The following MYRIP variants were observed in gnomAD, a reference collection of about 807,000 sequenced individuals.
MYRIP encodes the protein myosin VIIA and Rab interacting protein.
Under a neutral mutation model 98.0 loss-of-function variants are expected in MYRIP, and 49 were observed. The observed-to-expected ratio is 0.50, with a 90% confidence interval of 0.40 to 0.63. The LOEUF (loss-of-function observed/expected upper bound fraction) is 0.63. Ranked by LOEUF, MYRIP falls within the 30% of genes least tolerant of loss-of-function variation. MYRIP has a pLI of 0.00. For missense variants in MYRIP, 1,004 were observed against 1,058.2 expected, an observed-to-expected ratio of 0.95 and a Z score of 0.71; for synonymous variants, 404 against 409.5, an observed-to-expected ratio of 0.99 and a Z score of 0.16.
At chr3:39,974,359 C>T (rs866133056) in intron 2 of MYRIP, among the ~76,000 whole-genome samples, 5 of 152,132 alleles carry the variant, frequency 3.3e-5, no homozygotes, top group Middle Eastern at 3.4e-3. Flanking sequence ...AGGAGGAAGT[C>T]GAATCTCTGA....
chr3:40,008,563 C>T (rs372086825), intron 2 of MYRIP, among the ~76,000 whole-genome samples: 3 of 152,274 alleles, frequency 2.0e-5, no homozygotes, highest in East Asian at 3.9e-4. Context: ...TGCAGTCACT[C>T]TGTGATTCCA....
chr3:40,225,578 C>A (rs780022166), intron 11 of MYRIP, among the ~76,000 whole-genome samples: 46 of 152,176 alleles, frequency 3.0e-4, no homozygotes, highest in Non-Finnish European at 5.7e-4. Context: ...GGGAAACCAC[C>A]ATCTGGTCTC....
Position 40,212,221 on chromosome 3 carries a change from TATATACACACACACACACACACAC to T in MYRIP, c.1905+2134_1905+2157del, listed in dbSNP as rs1559456808. Among the ~76,000 whole-genome samples the T allele has an allele frequency of 1.0e-3, 81 of 80,276 alleles. 6 individuals are homozygous for T. The highest frequency in any genetic ancestry group is 5.4e-3 in the Middle Eastern group (1 of 184). The allele number at this position is 80,276 out of a possible 152,430, so 52.7% of individuals were successfully genotyped here. A position where few individuals can be genotyped will look rare whatever the true frequency, so the allele number is the denominator to read the frequency against. Reference sequence around the variant, plus strand: ...ATATATATACGTGTGTGTATATATATATATACACACACACACACACACACATATATATATATACACGTATATATA... The same window carrying T: ...ATATATATACGTGTGTGTATATATATATATATATATATACACGTATATATA... On this transcript the variant is annotated intron_variant, in intron 11 of 16. Transcript: ENST00000302541.
At chr3:40,091,177 TATCCCCA>T (rs1352404241) in intron 3 of MYRIP, among the ~76,000 whole-genome samples, 1 of 152,182 alleles carries the variant, frequency 6.6e-6, no homozygotes, top group Non-Finnish European at 1.5e-5. Context: ...CTGCTGGGAT[TATCCCCA>T]GCTGAGCCAC....
chr3:39,964,149 T>C (rs1256681037), intron 2 of MYRIP, among the ~76,000 whole-genome samples: 2 of 152,150 alleles, frequency 1.3e-5, no homozygotes, highest in Non-Finnish European at 2.9e-5. Flanking sequence ...TTTATTTTCA[T>C]CTTCTTTATC....
At chr3:40,218,622 A>ATATATATTT (rs1553629233) in intron 11 of MYRIP, among the ~76,000 whole-genome samples, 17 of 12,760 alleles carry the variant, frequency 1.3e-3, no homozygotes, top group African/African-American at 2.3e-3. Context: ...TTATATATAT[A>ATATATATTT]TATATATATA....
chr3:40,113,210 C>A (rs1278544510), intron 3 of MYRIP, among the ~76,000 whole-genome samples: 1 of 152,232 alleles, frequency 6.6e-6, no homozygotes, highest in Non-Finnish European at 1.5e-5. Context: ...GTGGTGCGAT[C>A]TTGGCTCACT....
At chr3:39,916,408 C>CAA (rs34541190) in intron 2 of MYRIP, among the ~76,000 whole-genome samples, 55 of 143,510 alleles carry the variant, frequency 3.8e-4, no homozygotes, top group Admixed American at 1.2e-3. Flanking sequence ...ATATTGAGAA[C>CAA]AAAAAAAAAA....
In MYRIP at chr3:40,043,983, G is replaced by A. The variant is rs1947608331; in HGVS notation, c.111-67G>A. 11 of 1,478,968 alleles carry A rather than the reference G, an allele frequency of 7.4e-6. No individual in the cohort carries two copies. In the East Asian group the frequency reaches 1.2e-4, roughly 16 times the overall value. 91.6% of individuals were successfully genotyped at this position (1,478,968 alleles called of 1,614,324 possible). A position where few individuals can be genotyped will look rare whatever the true frequency, so the allele number is the denominator to read the frequency against. On this transcript the variant is annotated intron_variant, in intron 2 of 16. Transcript: ENST00000302541. ...GGGAGGGACAGGGTGCATGCTTTGG[G>A]GAGACACCCCCTGACCTGATGTTGT...
chr3:40,015,422 C>G (rs1946841697), intron 2 of MYRIP, among the ~76,000 whole-genome samples: 1 of 152,190 alleles, frequency 6.6e-6, no homozygotes, highest in Non-Finnish European at 1.5e-5. Flanking sequence ...AGACATGACC[C>G]TGAGTCACAC....
Position 39,957,484 on chromosome 3 carries a change from C to A in MYRIP, c.110+56558C>A, listed in dbSNP as rs140841681. On this transcript the variant is annotated intron_variant, in intron 2 of 16. Transcript: ENST00000302541. ...CCTTCGAAAAAATTCAACAGCCCTT[C>A]ATGCTAAAAACTCTCAATAAACTCG... Among the ~76,000 whole-genome samples the A allele has an allele frequency of 1.5e-3, 227 of 152,268 alleles. 4 individuals carry two copies. The East Asian group carries it at 0.04, about 27-fold the overall frequency.
chr3:39,876,336 T>C (rs1942994333), intron 1 of MYRIP, among the ~76,000 whole-genome samples: 1 of 152,216 alleles, frequency 6.6e-6, no homozygotes, highest in South Asian at 2.1e-4. Context: ...ATTTAGCCCA[T>C]TTACATTTAA....
chr3:39,842,703 G>A (rs1385269653), intron 1 of MYRIP, among the ~76,000 whole-genome samples: 1 of 152,124 alleles, frequency 6.6e-6, no homozygotes, highest in Non-Finnish European at 1.5e-5. Context: ...GCTTCCATTG[G>A]CTAGGAGAGG....
intron 2 of MYRIP, among the ~76,000 whole-genome samples, chr3:40,035,063 G>A (rs1424067809): frequency 7.9e-6 from 1 of 126,520 alleles, no homozygotes; most frequent in Non-Finnish European, 1.6e-5. Flanking sequence ...TTACACTCTG[G>A]GGACTGTTAT....
At chr3:39,987,201 CCT>C (rs1465380277) in intron 2 of MYRIP, among the ~76,000 whole-genome samples, 6 of 152,072 alleles carry the variant, frequency 3.9e-5, no homozygotes, top group South Asian at 2.1e-4. Flanking sequence ...CATTTCTCCC[CCT>C]GTGTCCATGT....
chr3:40,244,648 G>T, intron 13 of MYRIP, 41 bp downstream of exon 13: 1 of 1,549,462 alleles, frequency 6.5e-7, no homozygotes, highest in South Asian at 1.2e-5. Flanking sequence ...CCTGCAGGGT[G>T]AAACAGGGAG....
intron 7 of MYRIP, 81 bp downstream of exon 7, chr3:40,167,320 C>A (rs1950521282): frequency 7.9e-7 from 1 of 1,260,950 alleles, no homozygotes; most frequent in South Asian, 1.2e-5. Flanking sequence ...GCAGGTGAAA[C>A]ATGGGGAGTG....
intron 3 of MYRIP, among the ~76,000 whole-genome samples, chr3:40,074,253 T>G (rs1047276423): frequency 1.2e-4 from 19 of 152,024 alleles, no homozygotes; most frequent in Admixed American, 3.9e-4. Context: ...TTTTTGTGTT[T>G]TTAGTAGAGA....
At chr3:40,043,315 ACTC>A (rs1367157576) in intron 2 of MYRIP, among the ~76,000 whole-genome samples, 1 of 152,116 alleles carries the variant, frequency 6.6e-6, no homozygotes, top group Admixed American at 6.6e-5. Context: ...AGGAAAAACA[ACTC>A]AAACCTGCTG....
Sources: gnomAD v4.1 joint callset for allele counts (sites outside exome capture counted in the v4.1 genomes callset) on GRCh38, gnomAD v4.1.1 for gene constraint, MANE v1.5 for transcripts, NCBI Gene and HGNC (gene_info 2026-07-23, HGNC 2026-07-21) for gene names.